GRIP1: variants seen among roughly 807,000 people sequenced by gnomAD.
The protein encoded by GRIP1 is glutamate receptor-interacting protein 1.
Under a neutral mutation model 129.9 loss-of-function variants are expected in GRIP1, and 45 were observed. That is an observed-to-expected ratio of 0.35 (90% CI 0.27 to 0.44). GRIP1 has a LOEUF of 0.44. GRIP1 is among the 20% of genes least tolerant of loss of function. The probability of loss-of-function intolerance (pLI) is 1.00; values close to 1 mark genes in which losing one functional copy is unlikely to be tolerated. For synonymous variants in GRIP1, 530 were observed against 520.8 expected (o/e 1.02, Z -0.24); for missense variants, 1,196 against 1,396.8 (o/e 0.86, Z 2.29).
At chr12:67,013,263 T>C (rs1027168026) in intron 1 of GRIP1, among the ~76,000 whole-genome samples, 1 of 152,162 alleles carries the variant, frequency 6.6e-6, no homozygotes, top group African/African-American at 2.4e-5. Flanking sequence ...TAAAAATTAA[T>C]CTGGGTTTTA....
intron 1 of GRIP1, among the ~76,000 whole-genome samples, chr12:66,677,859 C>T (rs1345827439): frequency 2.0e-5 from 3 of 152,152 alleles, no homozygotes; most frequent in African/African-American, 4.8e-5. Flanking sequence ...ACAGAAATAG[C>T]ATCCATTAAC....
At chr12:66,838,696 A>G (rs1451108824) in intron 1 of GRIP1, among the ~76,000 whole-genome samples, 1 of 152,220 alleles carries the variant, frequency 6.6e-6, no homozygotes, top group Non-Finnish European at 1.5e-5. Context: ...ATTTGGACTG[A>G]TAAAAATAGG....
chr12:66,444,283 G>C (rs958470550), intron 13 of GRIP1, among the ~76,000 whole-genome samples: 1 of 151,300 alleles, frequency 6.6e-6, no homozygotes, highest in South Asian at 2.1e-4. Context: ...TCAGGAGATC[G>C]AGACCATCCT....
At chr12:66,975,680 T>C (rs1408369205) in intron 1 of GRIP1, among the ~76,000 whole-genome samples, 2 of 152,158 alleles carry the variant, frequency 1.3e-5, no homozygotes, top group African/African-American at 4.8e-5. Flanking sequence ...ACATAATACA[T>C]GCATTCTGTT....
intron 5 of GRIP1, among the ~76,000 whole-genome samples, chr12:66,526,079 T>C (rs1253061782): frequency 3.9e-5 from 6 of 151,918 alleles, no homozygotes; most frequent in Non-Finnish European, 8.8e-5. Context: ...ATAGGAAGAA[T>C]CAACGTGAAA....
At chr12:66,582,175 T>G (rs1565883403) in intron 2 of GRIP1, among the ~76,000 whole-genome samples, 1 of 151,446 alleles carries the variant, frequency 6.6e-6, no homozygotes, top group Non-Finnish European at 1.5e-5. Flanking sequence ...TCTCAATAGA[T>G]GCAGAAAAGG....
intron 1 of GRIP1, among the ~76,000 whole-genome samples, chr12:67,018,895 CT>C (rs2042825797): frequency 6.6e-6 from 1 of 152,056 alleles, no homozygotes; most frequent in Admixed American, 6.6e-5. Flanking sequence ...TTCCCCCACC[CT>C]CTTCCTCTCT....
chr12:66,768,607 C>G (rs754331911), intron 1 of GRIP1, among the ~76,000 whole-genome samples: 1 of 152,082 alleles, frequency 6.6e-6, no homozygotes, highest in Non-Finnish European at 1.5e-5. Context: ...TTCCCAATGG[C>G]GTGGAGGAAA....
At chr12:66,564,740 C>A (rs891318260) in intron 2 of GRIP1, among the ~76,000 whole-genome samples, 8 of 152,172 alleles carry the variant, frequency 5.3e-5, no homozygotes, top group Non-Finnish European at 8.8e-5. Context: ...TACAGTCCCA[C>A]CAACAGTGTA....
chr12:66,359,159 T>C (rs535046610), intron 23 of GRIP1, among the ~76,000 whole-genome samples: 25 of 152,304 alleles, frequency 1.6e-4, no homozygotes, highest in African/African-American at 6.0e-4. Context: ...GTTGGGAAAG[T>C]GCATCAGCTT....
chr12:66,465,500 T>G, intron 7 of GRIP1, 78 bp from the exon 8 acceptor site: 22 of 1,170,588 alleles, frequency 1.9e-5, no homozygotes, highest in African/African-American at 4.6e-5. Flanking sequence ...ATGAAGAATA[T>G]TCAGTTTGGT....
At chr12:66,865,594 T>C (rs910566665) in intron 1 of GRIP1, among the ~76,000 whole-genome samples, 1 of 149,632 alleles carries the variant, frequency 6.7e-6, no homozygotes, top group Non-Finnish European at 1.5e-5. Flanking sequence ...CATCCATCCA[T>C]GCATCCATCC....
At chr12:66,682,951 T>C (rs2136287016), upstream of GRIP1, among the ~76,000 whole-genome samples, 1 of 152,288 alleles carries the variant, frequency 6.6e-6, no homozygotes, top group East Asian at 1.9e-4. Context: ...TCTTTTCCTT[T>C]GCATGCTGTT....
chr12:66,939,595 TG>T (rs1377257954), intron 1 of GRIP1, among the ~76,000 whole-genome samples: 1 of 152,114 alleles, frequency 6.6e-6, no homozygotes, highest in Admixed American at 6.5e-5. Flanking sequence ...TCATTCCAAC[TG>T]GGGCATGGGC....
In GRIP1 at chr12:66,827,387, T is replaced by TGTGAGA. The variant is rs755458052; in HGVS notation, c.59-230461_59-230460insTCTCAC. Among the ~76,000 whole-genome samples, 951 of 108,256 alleles carry TGTGAGA rather than the reference T, an allele frequency of 8.8e-3. 15 individuals are homozygous for TGTGAGA. Among genetic ancestry groups the TGTGAGA allele is most frequent in the African/African-American group, 0.029 (801 of 27,860 alleles). 71.0% of individuals were successfully genotyped at this position (108,256 alleles called of 152,430 possible). A position where few individuals can be genotyped will look rare whatever the true frequency, so the allele number is the denominator to read the frequency against. On this transcript the variant is annotated intron_variant, in intron 1 of 1. Transcript: ENST00000643019. ...AGGTGTGTGTGTGTGTGTGTGTGTGTGAGAGAGAGAGAGAGAGAGAGAGAG... is the reference window on the plus strand; with the variant it reads ...AGGTGTGTGTGTGTGTGTGTGTGTGTGTGAGAGAGAGAGAGAGAGAGAGAGAGAGAG...
chr12:66,394,133 C>T, intron 17 of GRIP1, 75 bp downstream of exon 17: 5 of 1,308,634 alleles, frequency 3.8e-6, no homozygotes, highest in South Asian at 1.2e-5. Context: ...GAGAGAGGAG[C>T]ATGTTTTTAT....
intron 24 of GRIP1, among the ~76,000 whole-genome samples, chr12:66,351,863 G>A (rs777490666): frequency 6.6e-6 from 1 of 152,102 alleles, no homozygotes; most frequent in Non-Finnish European, 1.5e-5. Flanking sequence ...TCCTAGAGTC[G>A]CTGGTTTAAT....
chr12:66,941,087 C>T (rs1374602556), intron 1 of GRIP1, among the ~76,000 whole-genome samples: 3 of 151,838 alleles, frequency 2.0e-5, no homozygotes, highest in Non-Finnish European at 4.4e-5. Context: ...GATGAATGTG[C>T]AGGAAATGAA....
At chr12:66,596,000 C>G (rs564610284) in intron 2 of GRIP1, among the ~76,000 whole-genome samples, 2 of 152,252 alleles carry the variant, frequency 1.3e-5, no homozygotes, top group African/African-American at 4.8e-5. Context: ...TCCTGAATTG[C>G]TAAAACTATT....
Sources: gnomAD v4.1 joint callset for allele counts (sites outside exome capture counted in the v4.1 genomes callset) on GRCh38, gnomAD v4.1.1 for gene constraint, MANE v1.5 for transcripts, NCBI Gene and HGNC (gene_info 2026-07-23, HGNC 2026-07-21) for gene names.